RPTOR: variants seen among roughly 807,000 people sequenced by gnomAD.
RPTOR encodes the protein regulatory associated protein of MTOR complex 1.
RPTOR carries 21 observed loss-of-function variants against 169.9 expected under a neutral mutation model. The observed-to-expected ratio is 0.12, with a 90% confidence interval of 0.09 to 0.18. RPTOR has a LOEUF of 0.18. Ranked by LOEUF, RPTOR falls within the 10% of genes least tolerant of loss-of-function variation. RPTOR has a pLI of 1.00. For synonymous variants in RPTOR, 732 were observed against 753.2 expected (o/e 0.97, Z 0.46); for missense variants, 1,133 against 1,855.9 (o/e 0.61, Z 7.16).
Position 80,646,769 on chromosome 17 carries a change from G to C in RPTOR, c.348+2959G>C, listed in dbSNP as rs1482371401. On this transcript the variant is annotated intron_variant, in intron 3 of 33. Coordinates refer to ENST00000306801, the MANE Select transcript of RPTOR (RefSeq NM_020761.3). This position sits in a 1 kb window ranked among gnomAD's most constrained non-coding sequence, Gnocchi z 5.0. ...CATATATCTGGTTTTCTCTTTCTCT[G>C]TGTCTTTATTGCAAGAGTGGAAAAC... Among the ~76,000 whole-genome samples the C allele has an allele frequency of 1.3e-5, 2 of 152,144 alleles. No individual in the cohort carries two copies. Among genetic ancestry groups the C allele is most frequent in the African/African-American group, 2.4e-5 (1 of 41,414 alleles).
rs1322750566 is a variant in RPTOR, at chr17:80,962,583, C to T, written c.3809+6C>T. ...CAGGCGGACCTGATCGCATGGTAGG[C>T]GCCACCCACCTCCCTGGCCTGCACC... On this transcript the variant is annotated splice_donor_region_variant and intron_variant, in intron 32 of 33. Transcript: ENST00000306801. 25 of 1,607,580 alleles carry T rather than the reference C, an allele frequency of 1.6e-5. No individual in the cohort carries two copies. The highest frequency in any genetic ancestry group is 2.7e-5 in the African/African-American group (2 of 74,820).
chr17:80,835,843 A>C (rs1000789216), intron 9 of RPTOR, among the ~76,000 whole-genome samples: 2 of 152,188 alleles, frequency 1.3e-5, no homozygotes, highest in African/African-American at 4.8e-5. Flanking sequence ...TAGAGAAGAG[A>C]TACTCAACCT....
At chr17:80,595,437 C>T (rs2065137724) in intron 1 of RPTOR, among the ~76,000 whole-genome samples, 1 of 151,958 alleles carries the variant, frequency 6.6e-6, no homozygotes, top group African/African-American at 2.4e-5. Context: ...CTGAGTTGGG[C>T]AGTGTCATCT....
intron 7 of RPTOR, among the ~76,000 whole-genome samples, chr17:80,812,426 T>C (rs2067282455): frequency 6.6e-6 from 1 of 152,096 alleles, no homozygotes; most frequent in African/African-American, 2.4e-5. Context: ...GTCTGAATTG[T>C]TTTGAGTTTC....
chr17:80,857,725 C>A (rs1366760670), intron 12 of RPTOR, 65 bp from the exon 13 acceptor site: 8 of 1,152,404 alleles, frequency 6.9e-6, no homozygotes, highest in Middle Eastern at 2.3e-4. Context: ...TCCCGCGTGG[C>A]ACCCCTGCTG....
At chr17:80,905,094 A>G (rs2068524030) in intron 20 of RPTOR, among the ~76,000 whole-genome samples, 1 of 152,186 alleles carries the variant, frequency 6.6e-6, no homozygotes. Flanking sequence ...TCCCCCACAC[A>G]CATCCCCCAT....
In RPTOR at chr17:80,744,163, CCCTGGTTACTAGCACTAT is replaced by C. The variant is rs1212158730; in HGVS notation, c.655-9841_655-9824del. ...AGCACTATCCTGGTTACTAGCACAGCCCTGGTTACTAGCACTATCCTGGCTACTAGCACAGCCCTGGTT... is the reference window on the plus strand; with the variant it reads ...AGCACTATCCTGGTTACTAGCACAGCCCTGGCTACTAGCACAGCCCTGGTT... On this transcript the variant is annotated intron_variant, in intron 5 of 33. Coordinates refer to ENST00000306801, the MANE Select transcript of RPTOR (RefSeq NM_020761.3). Among the ~76,000 whole-genome samples the C allele has an allele frequency of 4.7e-4, 33 of 69,864 alleles. 14 individuals carry two copies. The highest frequency in any genetic ancestry group is 9.3e-4 in the Admixed American group (6 of 6,420). 45.8% of individuals were successfully genotyped at this position (69,864 alleles called of 152,430 possible).
intron 1 of RPTOR, among the ~76,000 whole-genome samples, chr17:80,598,571 G>A (rs1035424411): frequency 6.6e-6 from 1 of 152,236 alleles, no homozygotes; most frequent in Non-Finnish European, 1.5e-5. Flanking sequence ...ATTTGCAGAT[G>A]CCCAAGAGCC....
intron 10 of RPTOR, among the ~76,000 whole-genome samples, chr17:80,841,110 T>C (rs1325315420): frequency 4.6e-4 from 12 of 26,012 alleles, no homozygotes; most frequent in Non-Finnish European, 5.8e-4. Context: ...TCACTCTCTC[T>C]GCACCGCAGC....
chr17:80,627,208 T>C (rs201872618), intron 2 of RPTOR, among the ~76,000 whole-genome samples: 6 of 152,190 alleles, frequency 3.9e-5, no homozygotes, highest in African/African-American at 1.2e-4. Context: ...TTAGTAGAGA[T>C]GGGGTTTCAC....
chr17:80,717,359 C>T (rs1410851731), intron 4 of RPTOR, among the ~76,000 whole-genome samples: 2 of 152,184 alleles, frequency 1.3e-5, no homozygotes, highest in Non-Finnish European at 2.9e-5. Flanking sequence ...AACCAAGCAT[C>T]TCAGAACATA....
intron 13 of RPTOR, among the ~76,000 whole-genome samples, chr17:80,859,465 C>A (rs962166534): frequency 6.6e-6 from 1 of 152,184 alleles, no homozygotes. Context: ...TGTCCGTGTG[C>A]GGAGGGGCAC....
chr17:80,556,549 CAA>C (rs2084410564), intron 1 of RPTOR, among the ~76,000 whole-genome samples: 1 of 151,996 alleles, frequency 6.6e-6, no homozygotes, highest in Admixed American at 6.6e-5. Flanking sequence ...TTGGGAGCCA[CAA>C]AAGAGGCGGC....
At chr17:80,882,764 C>T (rs1046053358) in intron 14 of RPTOR, among the ~76,000 whole-genome samples, 1 of 152,336 alleles carries the variant, frequency 6.6e-6, no homozygotes, top group African/African-American at 2.4e-5. Flanking sequence ...GAAGAATACT[C>T]ATGGCGAATT....
chr17:80,841,299 A>C (rs79589793), intron 10 of RPTOR, among the ~76,000 whole-genome samples: 166 of 11,998 alleles, frequency 0.014, 5 homozygotes, highest in East Asian at 0.032. Flanking sequence ...TCACTCTCAC[A>C]GCACGGCAGC....
chr17:80,938,187 G>C (rs1479180506), intron 24 of RPTOR, among the ~76,000 whole-genome samples: 1 of 152,246 alleles, frequency 6.6e-6, no homozygotes, highest in African/African-American at 2.4e-5. Context: ...GCCCCTCCCT[G>C]TTCTGGCATG....
intron 29 of RPTOR, among the ~76,000 whole-genome samples, chr17:80,958,832 C>T (rs984357706): frequency 1.3e-5 from 2 of 152,264 alleles, no homozygotes; most frequent in African/African-American, 4.8e-5. Context: ...CCGCGCTCAG[C>T]AGAAATCTAA....
At chr17:80,593,583 A>T (rs376474897) in intron 1 of RPTOR, 1 of 154,332 alleles carries the variant, frequency 6.5e-6, no homozygotes, top group African/African-American at 2.4e-5. Context: ...CTACGTATAC[A>T]TGTGCAGCTC....
chr17:80,960,355 C>T lies in RPTOR; in HGVS notation c.3605+150C>T. The T allele has an allele frequency of 9.0e-7, 1 of 1,113,650 alleles. No homozygotes were observed. Among genetic ancestry groups the T allele is most frequent in the Non-Finnish European group, 1.3e-6 (1 of 787,388 alleles). 69.0% of individuals were successfully genotyped at this position (1,113,650 alleles called of 1,614,324 possible). On this transcript the variant is annotated intron_variant, in intron 30 of 33. Coordinates refer to ENST00000306801, the MANE Select transcript of RPTOR (RefSeq NM_020761.3). This position sits in a 1 kb window ranked among gnomAD's most constrained non-coding sequence, Gnocchi z 4.8. Reference sequence around the variant, plus strand: ...CTGCAGTGGCGTATTTAGGCCAGTCCTGGGCTCCCCAAAGCCGCCAGGCCC... The same window carrying T: ...CTGCAGTGGCGTATTTAGGCCAGTCTTGGGCTCCCCAAAGCCGCCAGGCCC...
Sources: allele counts gnomAD v4.1 joint callset (sites outside exome capture counted in the v4.1 genomes callset), GRCh38; gene constraint gnomAD v4.1.1; non-coding constraint Gnocchi (gnomAD v3.1); transcripts MANE v1.5; gene names NCBI Gene and HGNC (gene_info 2026-07-23, HGNC 2026-07-21).